The following VPS53 variants were observed in gnomAD, a reference collection of about 807,000 sequenced individuals.
The protein encoded by VPS53 is vacuolar protein sorting-associated protein 53 homolog.
VPS53 carries 70 observed loss-of-function variants against 107.0 expected under a neutral mutation model. That is an observed-to-expected ratio of 0.65 (90% confidence interval 0.54 to 0.80). VPS53 has a LOEUF of 0.80. Among genes scored for constraint, VPS53 ranks in the 30% least tolerant of loss-of-function variants. VPS53 has a pLI of 0.00. For synonymous variants in VPS53, 409 were observed against 393.3 expected (o/e 1.04, Z -0.47); for missense variants, 917 against 1,049.4 (o/e 0.87, Z 1.74).
In VPS53 at chr17:711,736, G is replaced by C. The variant is rs1019879028; in HGVS notation, c.88-1123C>G. On this transcript the variant is annotated intron_variant, in intron 1 of 21. Coordinates refer to ENST00000437048, the MANE Select transcript of VPS53 (RefSeq NM_001128159.3). ...TCCTAACAAAAGCCAGCTGAAAAAA[G>C]AATGACTGGTTCCAATGATGGAGGA... is the stretch of plus-strand genomic sequence containing the variant. Among the ~76,000 whole-genome samples the C allele has an allele frequency of 7.3e-5, 11 of 151,580 alleles. No homozygotes were observed. The South Asian group carries it at 2.1e-3, about 29-fold the overall frequency.
intron 7 of VPS53, among the ~76,000 whole-genome samples, chr17:642,481 C>T (rs1209190298): frequency 7.3e-5 from 11 of 150,270 alleles, no homozygotes; most frequent in South Asian, 2.1e-4. Flanking sequence ...ACTTGGAAAC[C>T]GAGGACAACA....
chr17:559,673 T>C lies in VPS53; in HGVS notation c.1704+753A>G, dbSNP rs578250855. ...CCAAGCTGGGCTGTCTGAACTATCATTTATGACTGTCTTCTTGTGGTCTAG... is the reference window on the plus strand; with the variant it reads ...CCAAGCTGGGCTGTCTGAACTATCACTTATGACTGTCTTCTTGTGGTCTAG... On this transcript the variant is annotated intron_variant, in intron 15 of 21. Coordinates refer to ENST00000437048, the MANE Select transcript of VPS53 (RefSeq NM_001128159.3). Among the ~76,000 whole-genome samples the C allele has an allele frequency of 2.6e-5, 4 of 152,370 alleles. No individual in the cohort carries two copies. The South Asian group carries it at 8.3e-4, about 32-fold the overall frequency.
intron 7 of VPS53, among the ~76,000 whole-genome samples, chr17:642,560 A>C (rs1435690863): frequency 5.0e-5 from 6 of 121,036 alleles, no homozygotes; most frequent in Admixed American, 1.6e-4. Context: ...CTTGGAAATC[A>C]AGGACAACAC....
At chr17:659,347 G>A (rs1357978260) in intron 5 of VPS53, among the ~76,000 whole-genome samples, 7 of 152,110 alleles carry the variant, frequency 4.6e-5, no homozygotes, top group African/African-American at 9.7e-5. Flanking sequence ...GCAGTAGTGC[G>A]ATCTTGGTTC....
At chr17:550,460 A>G (rs538121634) in intron 17 of VPS53, among the ~76,000 whole-genome samples, 1 of 152,320 alleles carries the variant, frequency 6.6e-6, no homozygotes, top group East Asian at 1.9e-4. Context: ...CTACCACTAT[A>G]TTGCAAAAAG....
intron 13 of VPS53, among the ~76,000 whole-genome samples, chr17:568,011 T>C (rs1384434810): frequency 6.6e-6 from 1 of 152,030 alleles, no homozygotes; most frequent in African/African-American, 2.4e-5. Flanking sequence ...CAGAGTGGTA[T>C]CAGTAGAGGG....
intron 15 of VPS53, among the ~76,000 whole-genome samples, chr17:559,586 G>A (rs1912753386): frequency 6.6e-6 from 1 of 152,216 alleles, no homozygotes; most frequent in Non-Finnish European, 1.5e-5. Context: ...TGCCACTGAG[G>A]GGCCTTGGTA....
chr17:519,929 AC>A lies in VPS53; in HGVS notation c.2224del (p.Val742Ter). 1 of 1,550,542 alleles carries A rather than the reference AC, an allele frequency of 6.4e-7. No individual in the cohort carries two copies. Among genetic ancestry groups the A allele is most frequent in the Non-Finnish European group, 8.7e-7 (1 of 1,146,032 alleles). ...GMTRAEMILKVVMAPHEPLVV... is the reference protein window; with the variant it reads ...GMTRAEMILKXVMAPHEPLVV... ...CAACGGTTCATGAGGGGCCATCACT[AC>A]CTACAGCGGGAGGAGACAGGAGCAA... On this transcript the variant is annotated frameshift_variant and splice_region_variant, in exon 21 of 22. Coordinates refer to ENST00000437048, the MANE Select transcript of VPS53 (RefSeq NM_001128159.3). LOFTEE classifies it high-confidence loss of function. This position sits in a 1 kb window ranked among gnomAD's most constrained non-coding sequence, Gnocchi z 5.0.
intron 13 of VPS53, among the ~76,000 whole-genome samples, chr17:576,746 C>A (rs1027717825): frequency 1.3e-5 from 2 of 150,010 alleles, no homozygotes; most frequent in African/African-American, 4.9e-5. Flanking sequence ...CCCTCAGAAC[C>A]CAATACGTGC....
In VPS53 at chr17:554,342, C is replaced by G. The variant is rs573234044; in HGVS notation, c.1705-880G>C. Among the ~76,000 whole-genome samples, 6 of 152,288 alleles carry G rather than the reference C, an allele frequency of 3.9e-5. No individual in the cohort carries two copies. In the South Asian group the frequency reaches 1.2e-3, roughly 32 times the overall value. ...AAGACTTGTAAATACTTGGAGATAT[C>G]CCTGGGAGTTGATTAATCTAGCACT... On this transcript the variant is annotated intron_variant, in intron 15 of 21. Transcript: ENST00000437048.
intron 13 of VPS53, among the ~76,000 whole-genome samples, chr17:563,639 C>T (rs140446312): frequency 2.6e-5 from 4 of 152,294 alleles, no homozygotes; most frequent in African/African-American, 9.6e-5. Context: ...TGTATTATTA[C>T]TATCCTCATT....
intron 11 of VPS53, 110 bp from the exon 12 acceptor site, chr17:602,006 T>A: frequency 3.8e-6 from 3 of 783,082 alleles, no homozygotes; most frequent in Non-Finnish European, 5.7e-6. Flanking sequence ...GCACGCTATC[T>A]GATAAAGAAG....
intron 11 of VPS53, among the ~76,000 whole-genome samples, chr17:602,680 T>C (rs1968382322): frequency 6.6e-6 from 1 of 152,194 alleles, no homozygotes; most frequent in African/African-American, 2.4e-5. Flanking sequence ...CTTCATCTGC[T>C]GAATGAGGAT....
intron 12 of VPS53, among the ~76,000 whole-genome samples, chr17:597,264 C>T (rs1030715615): frequency 1.3e-5 from 2 of 152,150 alleles, no homozygotes; most frequent in African/African-American, 2.4e-5. Flanking sequence ...CCCACAGAGC[C>T]GGCAGAGACC....
Position 518,642 on chromosome 17 carries a change from G to C in VPS53, c.*486C>G, listed in dbSNP as rs1275438603. ...GAAGGGGCTGGGCTCGGTGGCTCAC[G>C]CCTGTAATCCGATACTCAGGAGGCT... On this transcript the variant is annotated 3_prime_UTR_variant, in exon 22 of 22. Coordinates refer to ENST00000437048, the MANE Select transcript of VPS53 (RefSeq NM_001128159.3). 1 of 152,054 alleles carries C rather than the reference G, an allele frequency of 6.6e-6. No homozygotes were observed. The highest frequency in any genetic ancestry group is 1.9e-4 in the East Asian group (1 of 5,190). The allele number at this position is 152,054 out of a possible 1,614,324, so 9.4% of individuals were successfully genotyped here. A position where few individuals can be genotyped will look rare whatever the true frequency, so the allele number is the denominator to read the frequency against.
chr17:616,962 T>G (rs1232276656), intron 11 of VPS53, among the ~76,000 whole-genome samples: 1 of 152,182 alleles, frequency 6.6e-6, no homozygotes, highest in East Asian at 1.9e-4. Flanking sequence ...TATAGCTCCC[T>G]AAATGTAAAA....
intron 13 of VPS53, among the ~76,000 whole-genome samples, chr17:571,089 G>A (rs1913994980): frequency 2.0e-5 from 3 of 152,094 alleles, no homozygotes; most frequent in Admixed American, 2.0e-4. Context: ...GAGGCCAGCA[G>A]ATCACTTGAG....
intron 5 of VPS53, among the ~76,000 whole-genome samples, chr17:661,320 G>C (rs1464140479): frequency 6.6e-6 from 1 of 151,826 alleles, no homozygotes; most frequent in African/African-American, 2.4e-5. Context: ...AAGAGATTGA[G>C]ACCATCCTGG....
intron 19 of VPS53, among the ~76,000 whole-genome samples, chr17:528,231 C>G (rs1254587055): frequency 6.6e-6 from 1 of 152,158 alleles, no homozygotes; most frequent in Non-Finnish European, 1.5e-5. Context: ...AGAAAGAAAC[C>G]CTTACCCATT....
Sources: gnomAD v4.1 joint callset for allele counts (sites outside exome capture counted in the v4.1 genomes callset) on GRCh38, gnomAD v4.1.1 for gene constraint, Gnocchi (gnomAD v3.1) non-coding constraint, MANE v1.5 for transcripts, NCBI Gene and HGNC (gene_info 2026-07-23, HGNC 2026-07-21) for gene names.